The following CHRNB1 variants were observed in gnomAD, a reference collection of about 807,000 sequenced individuals.
CHRNB1 encodes acetylcholine receptor subunit beta.
Under a neutral mutation model 53.8 loss-of-function variants are expected in CHRNB1, and 47 were observed. The observed-to-expected ratio is 0.87, with a 90% CI of 0.69 to 1.11. The LOEUF (loss-of-function observed/expected upper bound fraction) is 1.11. Ranked by LOEUF, CHRNB1 falls within the 50% of genes most tolerant of loss-of-function variation. The pLI is 0.00. For missense variants in CHRNB1, 605 were observed against 654.9 expected (o/e 0.92, Z 0.83); for synonymous variants, 259 against 263.5 (o/e 0.98, Z 0.16).
Position 7,445,448 on chromosome 17 carries a change from C to A in CHRNB1, c.198+39C>A. 1 of 1,598,594 alleles carries A rather than the reference C, an allele frequency of 6.3e-7. No individual in the cohort carries two copies. Among genetic ancestry groups the A allele is most frequent in the Non-Finnish European group, 8.5e-7 (1 of 1,175,234 alleles). ...GGGGGTGGAGGTCAGGCCAGCCGAC[C>A]GGCCGGGGGCGTGGCTTTAGGCAAG... On this transcript the variant is annotated intron_variant, in intron 2 of 10. Transcript: ENST00000306071. This position sits in a 1 kb window ranked among gnomAD's most constrained non-coding sequence, Gnocchi z 5.7.
intron 9 of CHRNB1, 145 bp downstream of exon 9, chr17:7,455,601 G>A: frequency 1.6e-6 from 2 of 1,245,572 alleles, no homozygotes; most frequent in Non-Finnish European, 2.3e-6. Flanking sequence ...CTCACTTTGA[G>A]GGGAGGTGGG....
Position 7,445,657 on chromosome 17 carries a change from C to A in CHRNB1, c.198+248C>A. On this transcript the variant is annotated intron_variant, in intron 2 of 10. Coordinates refer to ENST00000306071, the MANE Select transcript of CHRNB1 (RefSeq NM_000747.3). This position sits in a 1 kb window ranked among gnomAD's most constrained non-coding sequence, Gnocchi z 5.7. ...CCTGTGATCGGACCTTAAAGTGGGG[C>A]TGGGGACGAGGCAGGGGCTGGGGGA... The A allele has an allele frequency of 7.3e-7, 1 of 1,368,030 alleles. No homozygotes were observed. The highest frequency in any genetic ancestry group is 9.6e-7 in the Non-Finnish European group (1 of 1,042,070). 84.7% of individuals were successfully genotyped at this position (1,368,030 alleles called of 1,614,324 possible).
Position 7,447,145 on chromosome 17 carries a change from C to T in CHRNB1, c.456C>T (p.Ser152=). ...CGGGCATCTATCGCAGCAGCTGCAG[C>T]ATCCAGGTTTCCGGCCTCCACATTG... is the stretch of plus-strand genomic sequence containing the variant. ...QPPGIYRSSC[S]IQVTYFPFDW... The change falls in exon 5 of 11, where the codon AGC becomes AGT. Residue 152 remains serine, a synonymous_variant. Transcript: ENST00000306071. 6.2e-7 allele frequency: 1 copy of T among 1,613,666 alleles called. No individual in the cohort carries two copies. The highest frequency in any genetic ancestry group is 8.5e-7 in the Non-Finnish European group (1 of 1,179,666).
rs1467128816 is a variant in CHRNB1 at position 7,447,377 on chromosome 17, G to C, written c.463-126G>C. ...CCTCCCCATCCCTCCCCCATTAATG[G>C]CTTCCCTTCATAACCCTCCAATTCC... is the stretch of plus-strand genomic sequence containing the variant. On this transcript the variant is annotated intron_variant, in intron 5 of 10. Coordinates refer to ENST00000306071, the MANE Select transcript of CHRNB1 (RefSeq NM_000747.3). The C allele has an allele frequency of 4.2e-6, 5 of 1,190,302 alleles. No individual in the cohort carries two copies. The East Asian group carries it at 7.1e-5, about 17-fold the overall frequency. The allele number at this position is 1,190,302 out of a possible 1,614,324, so 73.7% of individuals were successfully genotyped here.
chr17:7,455,026 C>A (rs966809417), intron 8 of CHRNB1, among the ~76,000 whole-genome samples: 1 of 152,050 alleles, frequency 6.6e-6, no homozygotes, highest in African/African-American at 2.4e-5. Context: ...TGGTCTTGAA[C>A]TCCTGACCTC....
Position 7,446,949 on chromosome 17 carries a change from G to C in CHRNB1, c.353+7G>C, listed in dbSNP as rs758291015. ...ACGTGGTGCTACTGAACAAGTAGGA[G>C]AACTTCCAAAGCCCGGGAGGTGGCG... On this transcript the variant is annotated splice_region_variant and intron_variant, in intron 4 of 10. Coordinates refer to ENST00000306071, the MANE Select transcript of CHRNB1 (RefSeq NM_000747.3). 2.0e-6 allele frequency: 3 copies of C among 1,493,562 alleles called. No individual in the cohort carries two copies. Among genetic ancestry groups the C allele is most frequent in the African/African-American group, 2.8e-5 (2 of 71,736 alleles). The allele number at this position is 1,493,562 out of a possible 1,614,324, so 92.5% of individuals were successfully genotyped here. A position where few individuals can be genotyped will look rare whatever the true frequency, so the allele number is the denominator to read the frequency against.
chr17:7,454,473 C>A lies in CHRNB1; in HGVS notation c.997C>A (p.His333Asn), dbSNP rs1383343548. 6.2e-7 allele frequency: 1 copy of A among 1,614,026 alleles called. No homozygotes were observed. Among genetic ancestry groups the A allele is most frequent in the Non-Finnish European group, 8.5e-7 (1 of 1,180,026 alleles). The change falls in exon 8 of 11, where the codon CAC becomes AAC. Residue 333 changes from histidine to asparagine, a missense_variant. By Grantham distance (68) the His-to-Asn change is moderately conservative. Transcript: ENST00000306071. ...VILSVVVLNL[H>N]HRSPHTHQMP... ...CCTTAGTGTCGTGGTTCTCAACCTG[C>A]ACCACCGCTCACCCCACACCCACCA...
chr17:7,452,578 G>A (rs1295745371), intron 7 of CHRNB1, among the ~76,000 whole-genome samples: 1 of 152,196 alleles, frequency 6.6e-6, no homozygotes, highest in African/African-American at 2.4e-5. Context: ...CTTTCCATAA[G>A]ACATACTCAC....
chr17:7,455,686 T>C (rs2069942437), intron 9 of CHRNB1, 108 bp from the exon 10 acceptor site: 1 of 1,461,494 alleles, frequency 6.8e-7, no homozygotes, highest in Admixed American at 1.7e-5. Context: ...CATGATGGGC[T>C]CTCGGGTTTT....
In CHRNB1 at chr17:7,445,102, G is replaced by T; in HGVS notation, c.-26G>T. 1.2e-6 allele frequency: 2 copies of T among 1,604,014 alleles called. No homozygotes were observed. Among genetic ancestry groups the T allele is most frequent in the Non-Finnish European group, 1.7e-6 (2 of 1,178,528 alleles). ...TGGCGGTCCCAGCGGCTCTCTGAGC[G>T]AAGTCACTGAGCGAGCCGCCAGGCT... is the stretch of plus-strand genomic sequence containing the variant. On this transcript the variant is annotated 5_prime_UTR_variant, in exon 1 of 11. Transcript: ENST00000306071. The surrounding 1 kb of genome is among the most constrained non-coding windows in gnomAD (Gnocchi z 5.7).
chr17:7,445,437 G>C lies in CHRNB1; in HGVS notation c.198+28G>C, dbSNP rs376933292. ...GAGGGCGCGCGGGGGGTGGAGGTCA[G>C]GCCAGCCGACCGGCCGGGGGCGTGG... On this transcript the variant is annotated intron_variant, in intron 2 of 10. Coordinates refer to ENST00000306071, the MANE Select transcript of CHRNB1 (RefSeq NM_000747.3). The surrounding 1 kb of genome is among the most constrained non-coding windows in gnomAD (Gnocchi z 5.7). The C allele has an allele frequency of 3.2e-5, 51 of 1,608,168 alleles. No homozygotes were observed. The highest frequency in any genetic ancestry group is 4.2e-5 in the Non-Finnish European group (50 of 1,178,920).
chr17:7,454,891 C>T (rs994161589), intron 8 of CHRNB1, among the ~76,000 whole-genome samples: 13 of 148,794 alleles, frequency 8.7e-5, no homozygotes, highest in Non-Finnish European at 5.9e-5. Flanking sequence ...CAACCTTCAC[C>T]TCCCAGGTTC....
intron 8 of CHRNB1, among the ~76,000 whole-genome samples, chr17:7,455,005 G>A (rs1421834157): frequency 1.3e-5 from 2 of 151,846 alleles, no homozygotes; most frequent in Non-Finnish European, 2.9e-5. Flanking sequence ...GTTTCACCAT[G>A]TTGGCCAGGC....
At position 7,456,464 on chromosome 17, in the gene CHRNB1, C is replaced by T; in HGVS notation, c.1366-119C>T. ...CAGTCTCGCTCTCCTGTTGGCGCTG[C>T]CGGCTGTTGCCTCAAACCAGTGGTA... is the stretch of plus-strand genomic sequence containing the variant. On this transcript the variant is annotated intron_variant, in intron 10 of 10. Coordinates refer to ENST00000306071, the MANE Select transcript of CHRNB1 (RefSeq NM_000747.3). The T allele has an allele frequency of 4.6e-6, 6 of 1,310,610 alleles. No homozygotes were observed. The South Asian group carries it at 5.9e-5, about 13-fold the overall frequency. The allele number at this position is 1,310,610 out of a possible 1,614,324, so 81.2% of individuals were successfully genotyped here.
At position 7,445,634 on chromosome 17, in the gene CHRNB1, T is replaced by G; in HGVS notation, c.198+225T>G. 7.0e-7 allele frequency: 1 copy of G among 1,427,808 alleles called. No homozygotes were observed. The highest frequency in any genetic ancestry group is 9.2e-7 in the Non-Finnish European group (1 of 1,091,474). 88.4% of individuals were successfully genotyped at this position (1,427,808 alleles called of 1,614,324 possible). A position where few individuals can be genotyped will look rare whatever the true frequency, so the allele number is the denominator to read the frequency against. Reference sequence around the variant, plus strand: ...AACTGGGTAGGGTGAAGGACGGACCTGTGATCGGACCTTAAAGTGGGGCTG... The same window carrying G: ...AACTGGGTAGGGTGAAGGACGGACCGGTGATCGGACCTTAAAGTGGGGCTG... On this transcript the variant is annotated intron_variant, in intron 2 of 10. Coordinates refer to ENST00000306071, the MANE Select transcript of CHRNB1 (RefSeq NM_000747.3). The surrounding 1 kb of genome is among the most constrained non-coding windows in gnomAD (Gnocchi z 5.7).
In CHRNB1 at chr17:7,455,312, T is replaced by C; in HGVS notation, c.1073T>C (p.Leu358Pro). The C allele has an allele frequency of 1.2e-6, 2 of 1,614,136 alleles. No individual in the cohort carries two copies. Among genetic ancestry groups the C allele is most frequent in the Non-Finnish European group, 1.7e-6 (2 of 1,180,028 alleles). ...TTCATTCACAAACTTCCGCTGTACC[T>C]GCGTCTAAAAAGGCCCAAACCCGAG... ...QIFIHKLPLY[L>P]RLKRPKPERD... Residue 358 changes from leucine (L) to proline (P), a missense_variant, in exon 9 of 11, where the codon CTG (leucine) becomes CCG (proline). Coordinates refer to ENST00000306071, the MANE Select transcript of CHRNB1 (RefSeq NM_000747.3).
rs772263997 is a variant in CHRNB1, at chr17:7,445,457, G to A, written c.198+48G>A. ...GGTCAGGCCAGCCGACCGGCCGGGG[G>A]CGTGGCTTTAGGCAAGGCCGGACCA... On this transcript the variant is annotated intron_variant, in intron 2 of 10. Transcript: ENST00000306071. The surrounding 1 kb of genome is among the most constrained non-coding windows in gnomAD (Gnocchi z 5.7). The A allele has an allele frequency of 1.3e-5, 20 of 1,599,086 alleles. No individual in the cohort carries two copies. The highest frequency in any genetic ancestry group is 2.2e-5 in the East Asian group (1 of 44,618).
In CHRNB1 at chr17:7,455,343, C is replaced by A; in HGVS notation, c.1104C>A (p.Asp368Glu). The A allele has an allele frequency of 6.2e-7, 1 of 1,614,162 alleles. No individual in the cohort carries two copies. Among genetic ancestry groups the A allele is most frequent in the Non-Finnish European group, 8.5e-7 (1 of 1,180,028 alleles). ...LRLKRPKPER[D>E]LMPEPPHCSS... Reference sequence around the variant, plus strand: ...TAAAAAGGCCCAAACCCGAGAGAGACCTGATGCCGGAGCCCCCTCACTGTT... The same window carrying A: ...TAAAAAGGCCCAAACCCGAGAGAGAACTGATGCCGGAGCCCCCTCACTGTT... Residue 368 changes from aspartate to glutamate, a missense_variant, in exon 9 of 11, where the codon GAC (aspartate) becomes GAA (glutamate). Coordinates refer to ENST00000306071, the MANE Select transcript of CHRNB1 (RefSeq NM_000747.3).
At position 7,446,120 on chromosome 17, in the gene CHRNB1, A is replaced by C; in HGVS notation, c.243+7A>C. On this transcript the variant is annotated splice_region_variant and intron_variant, in intron 3 of 10. Coordinates refer to ENST00000306071, the MANE Select transcript of CHRNB1 (RefSeq NM_000747.3). ...AAAGGTGTACTTAGACCTGGTATGG[A>C]GACCCCACGGGGTGGGAAAGGGCTT... is the stretch of plus-strand genomic sequence containing the variant. The C allele has an allele frequency of 1.2e-6, 2 of 1,613,194 alleles. No homozygotes were observed. The highest frequency in any genetic ancestry group is 1.1e-5 in the South Asian group (1 of 91,082).
Sources: gnomAD v4.1 joint callset for allele counts (sites outside exome capture counted in the v4.1 genomes callset) on GRCh38, gnomAD v4.1.1 for gene constraint, Gnocchi (gnomAD v3.1) non-coding constraint, MANE v1.5 for transcripts, NCBI Gene and HGNC (gene_info 2026-07-23, HGNC 2026-07-21) for gene names.